The following WDR37 variants were observed in gnomAD, a reference collection of about 807,000 sequenced individuals.
The protein encoded by WDR37 is WD repeat domain 37, also known as WD repeat-containing protein 37.
Under a neutral mutation model 62.9 loss-of-function variants are expected in WDR37, and 19 were observed. The ratio of observed to expected loss-of-function variants is 0.30; its 90% CI spans 0.21 to 0.44. WDR37 has a LOEUF of 0.44. Ranked by LOEUF, WDR37 falls within the 20% of genes least tolerant of loss-of-function variation. WDR37 has a pLI of 1.00. For synonymous variants in WDR37, 250 were observed against 260.9 expected, an observed-to-expected ratio of 0.96 and a Z score of 0.40; for missense variants, 474 against 657.6, an observed-to-expected ratio of 0.72 and a Z score of 3.05.
At chr10:1,081,467 G>C (rs2131626914) in intron 5 of WDR37, among the ~76,000 whole-genome samples, 1 of 152,224 alleles carries the variant, frequency 6.6e-6, no homozygotes. Context: ...AGTTAATTTA[G>C]CATGACATCT....
chr10:1,080,176 A>G (rs1018485249), intron 4 of WDR37, 70 bp downstream of exon 4: 32 of 1,563,372 alleles, frequency 2.0e-5, no homozygotes, highest in Non-Finnish European at 2.6e-5. Flanking sequence ...TTAGTGAAGG[A>G]TGCTGGCTGG....
chr10:1,109,936 T>C (rs1000527916), intron 11 of WDR37, among the ~76,000 whole-genome samples: 7 of 152,184 alleles, frequency 4.6e-5, no homozygotes, highest in African/African-American at 1.7e-4. Context: ...GTAATTCCCG[T>C]GTGCCCTTTC....
At chr10:1,122,920 C>T (rs554809149) in intron 11 of WDR37, among the ~76,000 whole-genome samples, 6 of 152,328 alleles carry the variant, frequency 3.9e-5, no homozygotes, top group South Asian at 2.1e-4. Context: ...GATTTTACCA[C>T]GGGTAAGACT....
chr10:1,074,394 C>T (rs760012100), intron 2 of WDR37: 42 of 1,297,876 alleles, frequency 3.2e-5, no homozygotes, highest in African/African-American at 1.4e-4. Flanking sequence ...GTCTCCAAGC[C>T]GCACGGCCTC....
intron 7 of WDR37, 74 bp from the exon 8 acceptor site, chr10:1,093,378 C>T (rs555681377): frequency 5.1e-4 from 610 of 1,185,022 alleles, no homozygotes; most frequent in Admixed American, 8.3e-4. Context: ...TTGAAATACA[C>T]GCTATAGCTA....
At chr10:1,085,646 A>T (rs1589093396) in intron 6 of WDR37, among the ~76,000 whole-genome samples, 2 of 152,376 alleles carry the variant, frequency 1.3e-5, no homozygotes, top group East Asian at 3.9e-4. Flanking sequence ...GCAGAAGTGA[A>T]TGTGATAAAC....
intron 7 of WDR37, 53 bp from the exon 8 acceptor site, chr10:1,093,399 A>G (rs2131642336): frequency 7.0e-7 from 1 of 1,419,252 alleles, no homozygotes; most frequent in Admixed American, 1.8e-5. Flanking sequence ...ATAAATGTTG[A>G]TAACATGTTT....
At chr10:1,089,910 G>A (rs984910446) in intron 7 of WDR37, among the ~76,000 whole-genome samples, 1 of 152,122 alleles carries the variant, frequency 6.6e-6, no homozygotes, top group Non-Finnish European at 1.5e-5. Flanking sequence ...GCACGTTGTC[G>A]TGTTGCGTGT....
intron 1 of WDR37, among the ~76,000 whole-genome samples, chr10:1,057,332 G>A (rs2131596732): frequency 6.6e-6 from 1 of 152,254 alleles, no homozygotes; most frequent in East Asian, 1.9e-4. Context: ...AGGGGTTGGG[G>A]GCAGAAGGGT....
chr10:1,127,121 T>G (rs749262987), intron 13 of WDR37, among the ~76,000 whole-genome samples: 5 of 152,248 alleles, frequency 3.3e-5, no homozygotes, highest in Non-Finnish European at 5.9e-5. Context: ...ATGTAAAGTT[T>G]GCATTTTGAA....
intron 1 of WDR37, among the ~76,000 whole-genome samples, chr10:1,071,005 T>TG (rs1198956191): frequency 6.6e-6 from 1 of 152,232 alleles, no homozygotes; most frequent in African/African-American, 2.4e-5. Flanking sequence ...AATAAGGTCT[T>TG]GCCTTGAGGC....
intron 11 of WDR37, among the ~76,000 whole-genome samples, chr10:1,110,806 C>T (rs1401262918): frequency 6.6e-6 from 1 of 152,238 alleles, no homozygotes; most frequent in African/African-American, 2.4e-5. Context: ...ATCCGTGAGC[C>T]TCCGATGGGT....
chr10:1,112,193 T>G (rs1835238379), intron 11 of WDR37, among the ~76,000 whole-genome samples: 1 of 149,836 alleles, frequency 6.7e-6, no homozygotes, highest in Non-Finnish European at 1.5e-5. Flanking sequence ...ACTTCCTGCC[T>G]CTCTCTCACA....
chr10:1,059,395 C>T (rs1230841565), intron 1 of WDR37, among the ~76,000 whole-genome samples: 3 of 151,854 alleles, frequency 2.0e-5, no homozygotes, highest in Admixed American at 1.3e-4. Context: ...AAGAATTTGT[C>T]GTATTGCTGT....
intron 13 of WDR37, among the ~76,000 whole-genome samples, chr10:1,127,596 C>T (rs1485091989): frequency 6.6e-6 from 1 of 152,138 alleles, no homozygotes; most frequent in Admixed American, 6.5e-5. Flanking sequence ...GTAGGTGTCA[C>T]TTCCCAGCAT....
rs368906186 is a variant in WDR37, at chr10:1,129,481, G to C, written c.*137G>C. ...GCTTTGTATATGTTCTTTTCACATAGTGCCCAGCTTGCATGAAATGTACAG... is the reference window on the plus strand; with the variant it reads ...GCTTTGTATATGTTCTTTTCACATACTGCCCAGCTTGCATGAAATGTACAG... On this transcript the variant is annotated 3_prime_UTR_variant, in exon 14 of 14. Transcript: ENST00000263150. 4.1e-4 allele frequency: 522 copies of C among 1,280,462 alleles called. No homozygotes were observed. The African/African-American group carries it at 7.0e-3, about 17-fold the overall frequency. 79.3% of individuals were successfully genotyped at this position (1,280,462 alleles called of 1,614,324 possible).
chr10:1,106,578 A>G (rs919844016), intron 11 of WDR37, among the ~76,000 whole-genome samples: 4 of 151,866 alleles, frequency 2.6e-5, no homozygotes, highest in Non-Finnish European at 4.4e-5. Context: ...GTGCAGTGGT[A>G]TGATCTCGGC....
rs552430513 is a variant in WDR37 at position 1,104,898 on chromosome 10, G to C, written c.962-228G>C. Among the ~76,000 whole-genome samples, 3 of 152,302 alleles carry C rather than the reference G, an allele frequency of 2.0e-5. No homozygotes were observed. The East Asian group carries it at 5.8e-4, about 29-fold the overall frequency. ...TTCTAACTGGTAGGGTCAGAAAATG[G>C]GTTATGCACCTGTTTGGTTTTCTGT... On this transcript the variant is annotated intron_variant, in intron 10 of 13. Coordinates refer to ENST00000263150, the MANE Select transcript of WDR37 (RefSeq NM_014023.4).
At chr10:1,096,522 C>A in intron 9 of WDR37, 1 of 455,136 alleles carries the variant, frequency 2.2e-6, no homozygotes, top group South Asian at 3.3e-5. Flanking sequence ...AGAGCAGAGC[C>A]AGAGGGCGGC....
Sources: allele counts gnomAD v4.1 joint callset (sites outside exome capture counted in the v4.1 genomes callset), GRCh38; gene constraint gnomAD v4.1.1; transcripts MANE v1.5; gene names NCBI Gene and HGNC (gene_info 2026-07-23, HGNC 2026-07-21).